Variants in EPB41 observed in about 807,000 individuals in gnomAD.
EPB41 encodes erythrocyte membrane protein band 4.1, also known as protein 4.1.
A neutral mutation model predicts 108.0 loss-of-function variants in EPB41; 65 were observed. The ratio of observed to expected loss-of-function variants is 0.60; its 90% CI spans 0.49 to 0.74. The LOEUF (loss-of-function observed/expected upper bound fraction) is 0.74. Ranked by LOEUF, EPB41 falls within the 30% of genes least tolerant of loss-of-function variation. The pLI, the probability that EPB41 is intolerant of heterozygous loss-of-function variation, is 0.00. For synonymous variants in EPB41, 336 were observed against 358.9 expected (o/e 0.94, Z 0.72); for missense variants, 875 against 1,037.0 (o/e 0.84, Z 2.15).
At position 29,016,464 on chromosome 1, in the gene EPB41, C is replaced by T. The variant is rs184246063; in HGVS notation, c.905+697C>T. Among the ~76,000 whole-genome samples the T allele has an allele frequency of 3.8e-3, 569 of 151,496 alleles. 7 individuals are homozygous for T. The highest frequency in any genetic ancestry group is 0.013 in the African/African-American group (528 of 41,236). On this transcript the variant is annotated intron_variant, in intron 6 of 20. Coordinates refer to ENST00000343067, the MANE Select transcript of EPB41 (RefSeq NM_001376013.1). ...TCGGCCTCCCAAAGTGCTGGTGTTACAGGCTTGAGCCACTGCACCCGGCCC... is the reference window on the plus strand; with the variant it reads ...TCGGCCTCCCAAAGTGCTGGTGTTATAGGCTTGAGCCACTGCACCCGGCCC...
intron 1 of EPB41, among the ~76,000 whole-genome samples, chr1:28,945,040 C>G (rs1352319361): frequency 6.7e-6 from 1 of 148,470 alleles, no homozygotes; most frequent in African/African-American, 2.5e-5. Flanking sequence ...GCAGTGAGAT[C>G]GTGCCATGGT....
At chr1:28,993,655 T>TA in intron 3 of EPB41, 113 bp downstream of exon 3, 1 of 876,580 alleles carries the variant, frequency 1.1e-6, no homozygotes, top group Non-Finnish European at 1.7e-6. Context: ...TATTTCTTTT[T>TA]TCTTTTTTTT....
intron 1 of EPB41, among the ~76,000 whole-genome samples, chr1:28,961,969 T>G (rs1485594888): frequency 6.6e-6 from 1 of 152,120 alleles, no homozygotes; most frequent in Non-Finnish European, 1.5e-5. Context: ...AAATTTTAAG[T>G]TGGTTTTTGC....
At chr1:29,070,787 G>C in intron 16 of EPB41, 1 of 1,044,376 alleles carries the variant, frequency 9.6e-7, no homozygotes, top group Non-Finnish European at 1.2e-6. Flanking sequence ...TGTATTGTGG[G>C]GTACAAAGGA....
Position 29,115,582 on chromosome 1 carries a change from C to T in EPB41, c.2497-117C>T. ...CAGCTTGGCTTAGCCTAAAGCTGCC[C>T]TGGTACTGCAGACAGGAGTATTGGA... is the stretch of plus-strand genomic sequence containing the variant. On this transcript the variant is annotated intron_variant, in intron 19 of 20. Transcript: ENST00000343067. The surrounding 1 kb of genome is among the most constrained non-coding windows in gnomAD (Gnocchi z 4.4). The T allele has an allele frequency of 1.2e-6, 1 of 868,348 alleles. No homozygotes were observed. Among genetic ancestry groups the T allele is most frequent in the Non-Finnish European group, 1.9e-6 (1 of 534,580 alleles). The allele number at this position is 868,348 out of a possible 1,614,324, so 53.8% of individuals were successfully genotyped here.
At chr1:29,099,127 T>A (rs1664328089) in intron 17 of EPB41, among the ~76,000 whole-genome samples, 1 of 149,754 alleles carries the variant, frequency 6.7e-6, no homozygotes, top group Non-Finnish European at 1.5e-5. Flanking sequence ...GCCAACGTGG[T>A]GAAACCCCAT....
intron 1 of EPB41, among the ~76,000 whole-genome samples, chr1:28,903,603 G>A (rs2091507171): frequency 6.6e-6 from 1 of 151,742 alleles, no homozygotes; most frequent in Non-Finnish European, 1.5e-5. Context: ...TTACAGGCAT[G>A]AGCCACCATG....
rs575921621 is a variant in EPB41, at chr1:29,115,175, T to C, written c.2497-524T>C. 6.6e-6 allele frequency among the ~76,000 whole-genome samples: 1 copy of C among 152,176 alleles called. No individual in the cohort carries two copies. The highest frequency in any genetic ancestry group is 2.1e-4 in the South Asian group (1 of 4,818). On this transcript the variant is annotated intron_variant, in intron 19 of 20. Transcript: ENST00000343067. The surrounding 1 kb of genome is among the most constrained non-coding windows in gnomAD (Gnocchi z 4.4). ...TGGGAGGCCAAGCCAGGTGGATCATTTGAGGTCAGGAGTTCGAGACCAGTC... is the reference window on the plus strand; with the variant it reads ...TGGGAGGCCAAGCCAGGTGGATCATCTGAGGTCAGGAGTTCGAGACCAGTC...
chr1:29,108,396 C>G (rs1397380002), intron 17 of EPB41, among the ~76,000 whole-genome samples: 4 of 151,970 alleles, frequency 2.6e-5, no homozygotes, highest in African/African-American at 9.7e-5. Flanking sequence ...GATCTGCCCC[C>G]CTCGGTCTCC....
chr1:29,113,840 T>A lies in EPB41; in HGVS notation c.2496+1392T>A, dbSNP rs537936573. ...GAGAGTGCATGGAAGGGGTAAGCTA[T>A]GGTACACTCTGGCTGGCGAGGGAGG... On this transcript the variant is annotated intron_variant, in intron 19 of 20. Transcript: ENST00000343067. Among the ~76,000 whole-genome samples the A allele has an allele frequency of 4.6e-5, 7 of 152,280 alleles. No individual in the cohort carries two copies. In the East Asian group the frequency reaches 1.2e-3, roughly 25 times the overall value.
chr1:29,011,684 T>A (rs2096504005), intron 4 of EPB41, among the ~76,000 whole-genome samples, 181 bp from the exon 5 acceptor site: 1 of 152,180 alleles, frequency 6.6e-6, no homozygotes, highest in African/African-American at 2.4e-5. Context: ...AACCCAAATG[T>A]CAGGGTCCCT....
chr1:29,107,039 C>T (rs1262015337), intron 17 of EPB41, among the ~76,000 whole-genome samples: 1 of 151,694 alleles, frequency 6.6e-6, no homozygotes, highest in Non-Finnish European at 1.5e-5. Flanking sequence ...CAGAATTAGC[C>T]AGGTGTGGTG....
chr1:29,075,881 T>C lies in EPB41; in HGVS notation c.2184+10723T>C, dbSNP rs140763166. Among the ~76,000 whole-genome samples the C allele has an allele frequency of 8.5e-3, 1,290 of 152,332 alleles. 11 individuals carry two copies. Among genetic ancestry groups the C allele is most frequent in the Middle Eastern group, 0.078 (23 of 294 alleles). On this transcript the variant is annotated intron_variant, in intron 16 of 20. Coordinates refer to ENST00000343067, the MANE Select transcript of EPB41 (RefSeq NM_001376013.1). Reference sequence around the variant, plus strand: ...ATAGGATCCTAATTCAATTCCTCTCTCTTCCAGTGCTTGACTCTTCTCTGC... The same window carrying C: ...ATAGGATCCTAATTCAATTCCTCTCCCTTCCAGTGCTTGACTCTTCTCTGC...
chr1:29,109,688 C>T, intron 18 of EPB41: 1 of 522,630 alleles, frequency 1.9e-6, no homozygotes. Flanking sequence ...TCTCTTTACA[C>T]ATCTGTCTCT....
intron 1 of EPB41, among the ~76,000 whole-genome samples, chr1:28,919,070 G>A (rs2092887768): frequency 6.6e-6 from 1 of 152,204 alleles, no homozygotes; most frequent in Non-Finnish European, 1.5e-5. Flanking sequence ...ACTTGGAGGT[G>A]TTAGAAAGGA....
chr1:29,112,356 C>G lies in EPB41; in HGVS notation c.2416-12C>G. 6.2e-7 allele frequency: 1 copy of G among 1,608,010 alleles called. No homozygotes were observed. The highest frequency in any genetic ancestry group is 2.2e-5 in the East Asian group (1 of 44,802). On this transcript the variant is annotated splice_polypyrimidine_tract_variant and intron_variant, in intron 18 of 20. Transcript: ENST00000343067. The stretch of plus-strand genomic sequence containing the variant: ...TCGCTGATCTCATATGACATCTTCT[C>G]TTTGGTTCCAGACTGTAAAAGGTGG...
chr1:29,096,191 G>A (rs930272988), intron 16 of EPB41: 31 of 985,832 alleles, frequency 3.1e-5, no homozygotes, highest in Middle Eastern at 1.0e-3. Context: ...GGTGGCTGTC[G>A]TGACAAAGGG....
At chr1:28,990,296 TTTCCTTCCTTCCTTCC>T (rs201526830) in intron 2 of EPB41, among the ~76,000 whole-genome samples, 1 of 44,060 alleles carries the variant, frequency 2.3e-5, no homozygotes, top group African/African-American at 1.6e-4. Flanking sequence ...GTTTTTCAAA[TTTCCTTCCTTCCTTCC>T]TTCCTTCCTT....
intron 1 of EPB41, among the ~76,000 whole-genome samples, chr1:28,949,937 C>A (rs963350833): frequency 6.6e-6 from 1 of 152,148 alleles, no homozygotes; most frequent in Admixed American, 6.5e-5. Context: ...ATTTATGGTA[C>A]TGCATATAGC....
Sources: allele counts gnomAD v4.1 joint callset (sites outside exome capture counted in the v4.1 genomes callset), GRCh38; gene constraint gnomAD v4.1.1; non-coding constraint Gnocchi (gnomAD v3.1); transcripts MANE v1.5; gene names NCBI Gene and HGNC (gene_info 2026-07-23, HGNC 2026-07-21).